Variants in RYR1 observed in about 807,000 individuals in gnomAD.
RYR1 encodes ryanodine receptor 1, also known as central core disease of muscle.
Under a neutral mutation model 583.5 loss-of-function variants are expected in RYR1, and 342 were observed. The observed-to-expected ratio is 0.59, with a 90% CI of 0.54 to 0.64. RYR1 has a LOEUF of 0.64. RYR1 is among the 30% of genes least tolerant of loss of function. The probability of loss-of-function intolerance (pLI) is 0.00; values close to 1 mark genes in which losing one functional copy is unlikely to be tolerated. For missense variants in RYR1, 6,032 were observed against 6,917.2 expected (o/e 0.87, Z 4.54); for synonymous variants, 2,791 against 2,822.5 (o/e 0.99, Z 0.35).
At position 38,504,787 on chromosome 19, in the gene RYR1, C is replaced by T; in HGVS notation, c.8107C>T (p.Leu2703=). 1 of 1,614,156 alleles carries T rather than the reference C, an allele frequency of 6.2e-7. No homozygotes were observed. Among genetic ancestry groups the T allele is most frequent in the Non-Finnish European group, 8.5e-7 (1 of 1,180,022 alleles). Residue 2703 remains leucine, a synonymous_variant, in exon 51 of 106, where the codon CTG becomes TTG. Transcript: ENST00000359596. ...PELYRMAMPC[L]CAIAGALPPD... is the part of the protein sequence containing the mutation. ...GCTGTACCGCATGGCCATGCCTTGT[C>T]TGTGCGCCATTGCCGGGGCTCTGCC...
In RYR1 at chr19:38,448,488, T is replaced by C. The variant is rs765117392; in HGVS notation, c.934T>C (p.Ser312Pro). Residue 312 changes from serine to proline, a missense_variant, in exon 10 of 106, where the codon TCC (serine) becomes CCC (proline). This residue lies in a region of RYR1 where 338 missense variants were observed against 441.6 expected (regional missense o/e 0.77). Coordinates refer to ENST00000359596, the MANE Select transcript of RYR1 (RefSeq NM_000540.3). Reference protein sequence around the residue: ...DASKAHTKATSFCFRISKEKL... With the variant: ...DASKAHTKATPFCFRISKEKL... ...CAGCAAGGCTCACACCAAGGCTACC[T>C]CCTTCTGCTTCCGCATCTCCAAGGT... is the stretch of plus-strand genomic sequence containing the variant. 9 of 1,613,946 alleles carry C rather than the reference T, an allele frequency of 5.6e-6. No individual in the cohort carries two copies. Among genetic ancestry groups the C allele is most frequent in the Non-Finnish European group, 7.6e-6 (9 of 1,179,996 alleles).
At position 38,485,800 on chromosome 19, in the gene RYR1, C is replaced by G; in HGVS notation, c.5145C>G (p.Ile1715Met). Residue 1715 changes from isoleucine (I) to methionine (M), a missense_variant, in exon 34 of 106, where the codon ATC (isoleucine) becomes ATG (methionine). Coordinates refer to ENST00000359596, the MANE Select transcript of RYR1 (RefSeq NM_000540.3). ...PLRAGYYDLL[I>M]SIHLESACRS... The stretch of plus-strand genomic sequence containing the variant: ...GCGCAGGCTACTATGACCTCCTCAT[C>G]AGCATCCACCTCGAAAGTGCCTGCC... 1 of 1,613,406 alleles carries G rather than the reference C, an allele frequency of 6.2e-7. No homozygotes were observed. The highest frequency in any genetic ancestry group is 8.5e-7 in the Non-Finnish European group (1 of 1,179,990).
chr19:38,579,882 A>AC, intron 99 of RYR1, 100 bp from the exon 100 acceptor site: 1 of 1,524,640 alleles, frequency 6.6e-7, no homozygotes, highest in Non-Finnish European at 9.1e-7. Flanking sequence ...CTGGCACCCG[A>AC]CCCCCAGGGC....
At chr19:38,470,770 G>C (rs1405328923) in intron 27 of RYR1, among the ~76,000 whole-genome samples, 2 of 152,244 alleles carry the variant, frequency 1.3e-5, no homozygotes, top group African/African-American at 2.4e-5. Flanking sequence ...AAAACAGAAG[G>C]ACTCTGCAAA....
chr19:38,433,758 C>T lies in RYR1; in HGVS notation c.-72C>T. On this transcript the variant is annotated 5_prime_UTR_variant, in exon 1 of 106. Transcript: ENST00000359596. The stretch of plus-strand genomic sequence containing the variant: ...GTCTCCGACCCCAGCCCGCCCCCAG[C>T]CCTCCCGCCCAGCCCGCAGCCCCCT... 1 of 703,844 alleles carries T rather than the reference C, an allele frequency of 1.4e-6. No individual in the cohort carries two copies. 43.6% of individuals were successfully genotyped at this position (703,844 alleles called of 1,614,324 possible). A position where few individuals can be genotyped will look rare whatever the true frequency, so the allele number is the denominator to read the frequency against.
rs57147140 is a variant in RYR1, at chr19:38,502,800, GGGGCAGGGGGAGGA to G, written c.7835+75_7836-65del. ...AGGGGCAGGGGCAGGGGCAGGGGCA[GGGGCAGGGGGAGGA>G]GCAGGGGCAGGGGCAGCAGAGCGGG... On this transcript the variant is annotated intron_variant, in intron 48 of 105. Transcript: ENST00000359596. 5.4e-4 allele frequency: 580 copies of G among 1,075,508 alleles called. 17 individuals are homozygous for G. The African/African-American group carries it at 0.013, about 24-fold the overall frequency. 66.6% of individuals were successfully genotyped at this position (1,075,508 alleles called of 1,614,324 possible). A position where few individuals can be genotyped will look rare whatever the true frequency, so the allele number is the denominator to read the frequency against.
chr19:38,454,209 T>C (rs1277693120), intron 13 of RYR1, among the ~76,000 whole-genome samples: 2 of 152,124 alleles, frequency 1.3e-5, no homozygotes, highest in Non-Finnish European at 2.9e-5. Context: ...CTGGCTAATT[T>C]TTGTATTTTT....
At position 38,572,150 on chromosome 19, in the gene RYR1, G is replaced by C; in HGVS notation, c.13878G>C (p.Glu4626Asp). The change falls in exon 95 of 106, where the codon GAG (glutamate) becomes GAC (aspartate). Residue 4626 changes from glutamate (E) to aspartate (D), a missense_variant. Coordinates refer to ENST00000359596, the MANE Select transcript of RYR1 (RefSeq NM_000540.3). ...AGGAGGCAGAGGGCGATGAGGATGAGAACATGGTGTACTACTTCCTGGAGG... is the reference window on the plus strand; with the variant it reads ...AGGAGGCAGAGGGCGATGAGGATGACAACATGGTGTACTACTTCCTGGAGG... The part of the protein sequence containing the change: ...AGEEAEGDED[E>D]NMVYYFLEES... 1 of 1,614,170 alleles carries C rather than the reference G, an allele frequency of 6.2e-7. No individual in the cohort carries two copies. The highest frequency in any genetic ancestry group is 8.5e-7 in the Non-Finnish European group (1 of 1,180,024).
chr19:38,492,492 A>T lies in RYR1; in HGVS notation c.6130A>T (p.Ile2044Phe). Residue 2044 changes from isoleucine to phenylalanine, a missense_variant and splice_region_variant, in exon 38 of 106, where the codon ATT (isoleucine) becomes TTT (phenylalanine). Ile to Phe is a conservative substitution (Grantham distance 21, BLOSUM62 0). Coordinates refer to ENST00000359596, the MANE Select transcript of RYR1 (RefSeq NM_000540.3). ...CCCGCCTTCTTGACCACTTCCAGGAATTCAGCTAGATGGAGAGGAGGAGGA... is the reference window on the plus strand; with the variant it reads ...CCCGCCTTCTTGACCACTTCCAGGATTTCAGCTAGATGGAGAGGAGGAGGA... ...FHQDLLAHCG[I>F]QLDGEEEEPE... 1 of 1,614,106 alleles carries T rather than the reference A, an allele frequency of 6.2e-7. No individual in the cohort carries two copies.
chr19:38,576,092 T>C lies in RYR1; in HGVS notation c.14172+131T>C. ...TTTTTTTGCCTTTCTGAGTAGCACCTCAGTTTCCCCATGGGGAGATGGGCA... is the reference window on the plus strand; with the variant it reads ...TTTTTTTGCCTTTCTGAGTAGCACCCCAGTTTCCCCATGGGGAGATGGGCA... On this transcript the variant is annotated intron_variant, in intron 97 of 105. Coordinates refer to ENST00000359596, the MANE Select transcript of RYR1 (RefSeq NM_000540.3). The C allele has an allele frequency of 2.1e-6, 2 of 964,744 alleles. 1 individual carries two copies. Among genetic ancestry groups the C allele is most frequent in the South Asian group, 2.6e-5 (2 of 76,598 alleles). 59.8% of individuals were successfully genotyped at this position (964,744 alleles called of 1,614,324 possible).
In RYR1 at chr19:38,464,708, A is replaced by C; in HGVS notation, c.2856A>C (p.Thr952=). 6.3e-7 allele frequency: 1 copy of C among 1,586,370 alleles called. No homozygotes were observed. Among genetic ancestry groups the C allele is most frequent in the Non-Finnish European group, 8.6e-7 (1 of 1,166,300 alleles). The change falls in exon 23 of 106, where the codon ACA becomes ACC. Residue 952 remains threonine (T), a synonymous_variant. Transcript: ENST00000359596. Reference sequence around the variant, plus strand: ...AGGCGGAGGACAACCTGAAGAAGACAAAACTCCCCAAGACGTGAGTGTGGG... The same window carrying C: ...AGGCGGAGGACAACCTGAAGAAGACCAAACTCCCCAAGACGTGAGTGTGGG... ...DEKAEDNLKK[T]KLPKTYMMSN... is the part of the protein sequence containing the mutation.
chr19:38,453,847 G>A (rs1424001503), intron 13 of RYR1, among the ~76,000 whole-genome samples: 3 of 151,936 alleles, frequency 2.0e-5, no homozygotes, highest in Non-Finnish European at 4.4e-5. Flanking sequence ...AGGGCAGAGA[G>A]GTGACGAGGG....
chr19:38,551,085 T>C (rs1331584886), intron 89 of RYR1, among the ~76,000 whole-genome samples: 2 of 137,580 alleles, frequency 1.5e-5, no homozygotes, highest in Admixed American at 1.6e-4. Context: ...TTTGCTCTTG[T>C]TGCCCAGGCT....
At chr19:38,490,536 C>G in intron 36 of RYR1, 85 bp from the exon 37 acceptor site, 1 of 929,514 alleles carries the variant, frequency 1.1e-6, no homozygotes. Flanking sequence ...TAGACATGGA[C>G]TAACAATTGC....
chr19:38,557,620 G>A (rs1972937201), intron 89 of RYR1, among the ~76,000 whole-genome samples: 1 of 152,162 alleles, frequency 6.6e-6, no homozygotes, highest in Non-Finnish European at 1.5e-5. Context: ...GCAACATGGC[G>A]AAACCAAACC....
At chr19:38,474,104 A>G (rs1386585322) in intron 28 of RYR1, among the ~76,000 whole-genome samples, 1 of 152,168 alleles carries the variant, frequency 6.6e-6, no homozygotes, top group Non-Finnish European at 1.5e-5. Flanking sequence ...TTCCTAGGAG[A>G]GTTTACTGCA....
intron 70 of RYR1, among the ~76,000 whole-genome samples, chr19:38,524,428 T>C (rs1230210639): frequency 6.6e-6 from 1 of 151,996 alleles, no homozygotes; most frequent in African/African-American, 2.4e-5. Flanking sequence ...TCTGAGGGCA[T>C]CCAGCCAGCA....
intron 58 of RYR1, among the ~76,000 whole-genome samples, chr19:38,509,551 A>G (rs1970635543): frequency 6.8e-6 from 1 of 146,164 alleles, no homozygotes; most frequent in Non-Finnish European, 1.5e-5. Flanking sequence ...CTCCAGATTC[A>G]CGCCATTCTC....
rs755468324 is a variant in RYR1, at chr19:38,469,157, C to G, written c.3556+17C>G. 1.9e-5 allele frequency: 30 copies of G among 1,613,902 alleles called. No homozygotes were observed. The highest frequency in any genetic ancestry group is 2.5e-5 in the Non-Finnish European group (30 of 1,179,926). On this transcript the variant is annotated intron_variant, in intron 26 of 105. Coordinates refer to ENST00000359596, the MANE Select transcript of RYR1 (RefSeq NM_000540.3). ...TTGGGGACGGTGAGGGCTGAGACCC[C>G]TTCACATGCCCTTTCTTGTTTTCCT...
Sources: allele counts gnomAD v4.1 joint callset (sites outside exome capture counted in the v4.1 genomes callset), GRCh38; gene constraint gnomAD v4.1.1; regional missense constraint gnomAD v4.1.1; transcripts MANE v1.5; gene names NCBI Gene and HGNC (gene_info 2026-07-23, HGNC 2026-07-21).